The following CATSPERB variants were observed in gnomAD, a reference collection of about 807,000 sequenced individuals.
The protein encoded by CATSPERB is cation channel sperm-associated auxiliary subunit beta.
CATSPERB carries 93 observed loss-of-function variants against 128.3 expected under a neutral mutation model. The observed-to-expected ratio is 0.72, with a 90% CI of 0.61 to 0.86. CATSPERB has a LOEUF of 0.86. CATSPERB is among the 40% of genes least tolerant of loss of function. CATSPERB has a pLI of 0.00. For missense variants in CATSPERB, 1,153 were observed against 1,329.5 expected (o/e 0.87, Z 2.06); for synonymous variants, 381 against 448.8 (o/e 0.85, Z 1.91).
chr14:91,702,568 GT>G (rs1001073837), intron 7 of CATSPERB, among the ~76,000 whole-genome samples: 5 of 148,934 alleles, frequency 3.4e-5, no homozygotes, highest in Non-Finnish European at 7.4e-5. Flanking sequence ...TTTTTGTTTT[GT>G]TTTTTTTCTC....
At chr14:91,614,748 A>C (rs1406758536) in intron 20 of CATSPERB, among the ~76,000 whole-genome samples, 1 of 152,180 alleles carries the variant, frequency 6.6e-6, no homozygotes, top group African/African-American at 2.4e-5. Context: ...GTGAGCTGTG[A>C]TCACACCACT....
At chr14:91,702,029 C>A (rs750338604) in intron 7 of CATSPERB, among the ~76,000 whole-genome samples, 1 of 152,074 alleles carries the variant, frequency 6.6e-6, no homozygotes, top group Non-Finnish European at 1.5e-5. Flanking sequence ...CCTAAAGAAC[C>A]TGTTGCTGAA....
Position 91,632,379 on chromosome 14 carries a change from T to G in CATSPERB, c.1742+4046A>C, listed in dbSNP as rs902411595. Among the ~76,000 whole-genome samples, 6 of 152,230 alleles carry G rather than the reference T, an allele frequency of 3.9e-5. No homozygotes were observed. The East Asian group carries it at 1.2e-3, about 29-fold the overall frequency. ...TTTAAAAATGGGCAAAGGATTTGAA[T>G]GAATTTAATGCTACAGAATGGTACA... On this transcript the variant is annotated intron_variant, in intron 17 of 26. Transcript: ENST00000256343.
intron 17 of CATSPERB, among the ~76,000 whole-genome samples, chr14:91,629,230 G>A (rs2139795415): frequency 6.6e-6 from 1 of 152,286 alleles, no homozygotes. Flanking sequence ...AAGACATGGA[G>A]GAAATTTAGA....
At chr14:91,646,633 T>C (rs935940978) in intron 15 of CATSPERB, among the ~76,000 whole-genome samples, 1 of 152,194 alleles carries the variant, frequency 6.6e-6, no homozygotes, top group African/African-American at 2.4e-5. Flanking sequence ...CTTACTCTGC[T>C]TCAGCTACAC....
chr14:91,612,241 T>C (rs540849146), intron 20 of CATSPERB, among the ~76,000 whole-genome samples: 1 of 152,206 alleles, frequency 6.6e-6, no homozygotes, highest in Non-Finnish European at 1.5e-5. Context: ...ATCTGAAATT[T>C]ACTCTTAGCA....
At chr14:91,605,226 C>T in intron 22 of CATSPERB, 1 of 1,558,960 alleles carries the variant, frequency 6.4e-7, no homozygotes, top group Non-Finnish European at 8.8e-7. Flanking sequence ...TAGTTTTCTT[C>T]AGGCCCACAA....
At chr14:91,723,981 T>G (rs1896077605) in intron 3 of CATSPERB, among the ~76,000 whole-genome samples, 1 of 152,102 alleles carries the variant, frequency 6.6e-6, no homozygotes, top group African/African-American at 2.4e-5. Context: ...GTGCAGGAGT[T>G]TGGGAAGGCA....
chr14:91,665,839 C>T (rs898616642), intron 14 of CATSPERB, among the ~76,000 whole-genome samples: 7 of 151,944 alleles, frequency 4.6e-5, no homozygotes, highest in African/African-American at 1.2e-4. Flanking sequence ...AACAAGACTC[C>T]GTCTCAAAAA....
chr14:91,717,504 G>A (rs894561836), intron 5 of CATSPERB, among the ~76,000 whole-genome samples: 13 of 151,996 alleles, frequency 8.6e-5, no homozygotes, highest in Non-Finnish European at 1.6e-4. Context: ...AACTCCATAG[G>A]CCTCAGTTAA....
chr14:91,730,767 G>GAAA (rs2139787025), intron 1 of CATSPERB, among the ~76,000 whole-genome samples: 1 of 152,266 alleles, frequency 6.6e-6, no homozygotes, highest in South Asian at 2.1e-4. Flanking sequence ...AATGTAACTG[G>GAAA]TGTTTTTCCT....
Position 91,708,156 on chromosome 14 carries a change from A to G in CATSPERB, c.451T>C (p.Leu151=), listed in dbSNP as rs1468070677. 3.7e-6 allele frequency: 6 copies of G among 1,608,820 alleles called. No homozygotes were observed. Among genetic ancestry groups the G allele is most frequent in the Middle Eastern group, 3.3e-4 (2 of 6,048 alleles). The change falls in exon 6 of 27, where the codon TTG becomes CTG. Residue 151 remains leucine (L), a synonymous_variant. Transcript: ENST00000256343. ...LNIYATEGTL[L]DVIREPILQW... ...TGGCATTTACCTCGAATAACATCCA[A>G]TAGAGTTCCTTCAGTAGCATAAATA...
Position 91,719,370 on chromosome 14 carries a change from G to A in CATSPERB, c.370+48C>T, listed in dbSNP as rs80072247. 5.7e-3 allele frequency: 7,351 copies of A among 1,287,892 alleles called. 329 individuals carry two copies. The East Asian group carries it at 0.097, about 17-fold the overall frequency. 79.8% of individuals were successfully genotyped at this position (1,287,892 alleles called of 1,614,324 possible). ...TAAATTCTTTTTGTTCTTTTTATTT[G>A]ATAAATCCAGACCCAGGGGTAAAAG... On this transcript the variant is annotated intron_variant, in intron 5 of 26. Coordinates refer to ENST00000256343, the MANE Select transcript of CATSPERB (RefSeq NM_024764.4).
At chr14:91,581,760 T>C (rs750965281) in intron 26 of CATSPERB, among the ~76,000 whole-genome samples, 1 of 152,146 alleles carries the variant, frequency 6.6e-6, no homozygotes, top group Non-Finnish European at 1.5e-5. Context: ...GGTGGGGTCA[T>C]TGTATGTTAA....
chr14:91,621,625 AC>A lies in CATSPERB; in HGVS notation c.2242del (p.Val748SerfsTer16), dbSNP rs1894043425. The A allele has an allele frequency of 4.4e-6, 7 of 1,603,012 alleles. No individual in the cohort carries two copies. The highest frequency in any genetic ancestry group is 4.5e-5 in the East Asian group (2 of 44,778). ...AAACTTACCTTTTGCATTCCGTATG[AC>A]CTTAGCTTTTAAAACATAAGAGTTT... is the stretch of plus-strand genomic sequence containing the variant. ...LGNSYVLKAK[V>X]IRNAKGFRML... is the part of the protein sequence containing the mutation. On this transcript the variant is annotated frameshift_variant, in exon 19 of 27. Coordinates refer to ENST00000256343, the MANE Select transcript of CATSPERB (RefSeq NM_024764.4). LOFTEE classifies it high-confidence loss of function.
intron 6 of CATSPERB, among the ~76,000 whole-genome samples, chr14:91,707,596 T>A (rs1895755611): frequency 2.1e-5 from 2 of 93,206 alleles, no homozygotes; most frequent in African/African-American, 9.9e-5. Flanking sequence ...TTTTTTTTTT[T>A]TTTTTTTTTT....
chr14:91,641,591 A>G (rs1272210480), intron 15 of CATSPERB, among the ~76,000 whole-genome samples: 1 of 147,198 alleles, frequency 6.8e-6, no homozygotes, highest in African/African-American at 2.5e-5. Context: ...TACCAGTACC[A>G]TGCTGTTTTG....
chr14:91,640,910 T>A (rs1183504979), intron 15 of CATSPERB, among the ~76,000 whole-genome samples: 1 of 151,942 alleles, frequency 6.6e-6, no homozygotes, highest in East Asian at 1.9e-4. Context: ...GCACCTGTTG[T>A]TTTTAATGAT....
At chr14:91,632,007 T>C (rs1159866690) in intron 17 of CATSPERB, among the ~76,000 whole-genome samples, 5 of 151,396 alleles carry the variant, frequency 3.3e-5, no homozygotes, top group Non-Finnish European at 7.4e-5. Flanking sequence ...AAAAAGAACC[T>C]TAAAATAAGG....
Sources: allele counts gnomAD v4.1 joint callset (sites outside exome capture counted in the v4.1 genomes callset), GRCh38; gene constraint gnomAD v4.1.1; transcripts MANE v1.5; gene names NCBI Gene and HGNC (gene_info 2026-07-23, HGNC 2026-07-21).